DARS1: variants seen among roughly 807,000 people sequenced by gnomAD.
DARS1 encodes the protein aspartate--tRNA ligase, cytoplasmic.
In DARS1, 51 loss-of-function variants were observed where a neutral mutation model predicts 68.8. The ratio of observed to expected loss-of-function variants is 0.74; its 90% CI spans 0.59 to 0.94. The LOEUF (loss-of-function observed/expected upper bound fraction) is 0.94. Among genes scored for constraint, DARS1 ranks in the 40% least tolerant of loss-of-function variants. The probability of loss-of-function intolerance (pLI) is 0.00; values close to 1 mark genes in which losing one functional copy is unlikely to be tolerated. For synonymous variants in DARS1, 203 were observed against 190.4 expected (o/e 1.07, Z -0.55); for missense variants, 607 against 597.3 (o/e 1.02, Z -0.17).
chr2:135,950,957 G>A (rs1321729887), intron 4 of DARS1, among the ~76,000 whole-genome samples: 1 of 152,136 alleles, frequency 6.6e-6, no homozygotes, highest in Non-Finnish European at 1.5e-5. Context: ...AATGGAGCAT[G>A]GGGCCACATG....
chr2:135,978,142 C>CAAAAA (rs59505882), intron 3 of DARS1, among the ~76,000 whole-genome samples: 11 of 54,726 alleles, frequency 2.0e-4, no homozygotes, highest in South Asian at 6.5e-4. Context: ...GACTCTGTCT[C>CAAAAA]AAAAAAAAAA....
At chr2:135,924,296 G>T in intron 8 of DARS1, 91 bp downstream of exon 8, 1 of 1,356,084 alleles carries the variant, frequency 7.4e-7, no homozygotes, top group South Asian at 1.7e-5. Context: ...GGACACTTGG[G>T]ATTCTCAAGT....
chr2:135,985,663 T>A, upstream of DARS1: 3 of 1,383,446 alleles, frequency 2.2e-6, no homozygotes, highest in South Asian at 1.5e-5. Flanking sequence ...CCCGGAGCGC[T>A]GGCGGCCGCG....
At chr2:135,922,598 T>G (rs2104801706) in intron 9 of DARS1, among the ~76,000 whole-genome samples, 186 bp downstream of exon 9, 1 of 152,314 alleles carries the variant, frequency 6.6e-6, no homozygotes, top group East Asian at 1.9e-4. Flanking sequence ...ATTATTACTA[T>G]TACTTTTAAG....
intron 5 of DARS1, among the ~76,000 whole-genome samples, chr2:135,943,016 C>A (rs1681642092): frequency 6.6e-6 from 1 of 152,172 alleles, no homozygotes; most frequent in Admixed American, 6.5e-5. Flanking sequence ...GGGTTTCGCA[C>A]TCTTGCCTTT....
chr2:135,917,779 A>AATTTATATT (rs1681037644), intron 10 of DARS1, among the ~76,000 whole-genome samples: 1 of 152,028 alleles, frequency 6.6e-6, no homozygotes, highest in Non-Finnish European at 1.5e-5. Flanking sequence ...CCCGGCCTAG[A>AATTTATATT]ATTTATATTC....
At position 135,941,217 on chromosome 2, in the gene DARS1, A is replaced by C. The variant is rs1162630121; in HGVS notation, c.423+2161T>G. ...TGCATTGCGAAGACAATCCTAAGCC[A>C]AAAGAACAAAACTGGAGGCACCACG... On this transcript the variant is annotated intron_variant, in intron 5 of 15. Coordinates refer to ENST00000264161, the MANE Select transcript of DARS1 (RefSeq NM_001349.4). 1.1e-4 allele frequency among the ~76,000 whole-genome samples: 17 copies of C among 152,382 alleles called. 1 individual carries two copies. In the East Asian group the frequency reaches 2.5e-3, roughly 22 times the overall value.
chr2:135,911,570 C>A, intron 13 of DARS1, 77 bp from the exon 14 acceptor site: 2 of 694,144 alleles, frequency 2.9e-6, no homozygotes, highest in Non-Finnish European at 2.6e-6. Context: ...AAAATCTCTG[C>A]TGCATGAAGA....
intron 3 of DARS1, among the ~76,000 whole-genome samples, chr2:135,968,597 C>T (rs1682290283): frequency 6.6e-6 from 1 of 151,580 alleles, no homozygotes; most frequent in South Asian, 2.1e-4. Flanking sequence ...GGGTAGAGCC[C>T]TCATGACCCA....
chr2:135,942,948 C>T (rs189301568), intron 5 of DARS1, among the ~76,000 whole-genome samples: 11 of 152,214 alleles, frequency 7.2e-5, no homozygotes, highest in East Asian at 5.8e-4. Flanking sequence ...GTGACTTTGA[C>T]GAGTGGAATA....
intron 5 of DARS1, among the ~76,000 whole-genome samples, chr2:135,939,605 G>A (rs1256630028): frequency 1.3e-5 from 2 of 152,068 alleles, no homozygotes; most frequent in East Asian, 3.9e-4. Context: ...AAGAACTAGA[G>A]AAGCAAGAGC....
intron 1 of DARS1, among the ~76,000 whole-genome samples, chr2:135,984,830 TG>T (rs1421404247): frequency 6.6e-6 from 1 of 152,138 alleles, no homozygotes; most frequent in Non-Finnish European, 1.5e-5. Context: ...CCACGTGATT[TG>T]GGGTCACTTC....
intron 7 of DARS1, 134 bp from the exon 8 acceptor site, chr2:135,924,632 C>T (rs954114023): frequency 2.1e-5 from 27 of 1,295,596 alleles, no homozygotes; most frequent in South Asian, 8.1e-5. Flanking sequence ...GGAGAGAAGA[C>T]GAAAGGACAC....
intron 13 of DARS1, among the ~76,000 whole-genome samples, chr2:135,911,838 G>A (rs1464175036): frequency 2.0e-5 from 3 of 152,196 alleles, no homozygotes; most frequent in African/African-American, 7.2e-5. Flanking sequence ...ATTAACAGGT[G>A]TGAGTCTTTA....
intron 4 of DARS1, among the ~76,000 whole-genome samples, chr2:135,950,777 C>T (rs1035557540): frequency 6.6e-6 from 1 of 152,084 alleles, no homozygotes; most frequent in African/African-American, 2.4e-5. Flanking sequence ...GTGGGCCCAG[C>T]TGAGGAATAG....
In DARS1 at chr2:135,907,055, C is replaced by T. The variant is rs1680796370; in HGVS notation, c.*261G>A. On this transcript the variant is annotated 3_prime_UTR_variant, in exon 16 of 16. Coordinates refer to ENST00000264161, the MANE Select transcript of DARS1 (RefSeq NM_001349.4). ...ATTTGTAACATAACCATATGAATTT[C>T]TCAAGTTATTTCCTACTGATGCATG... The T allele has an allele frequency of 8.4e-6, 2 of 236,866 alleles. No individual in the cohort carries two copies. The highest frequency in any genetic ancestry group is 1.1e-4 in the Admixed American group (2 of 18,674). 14.7% of individuals were successfully genotyped at this position (236,866 alleles called of 1,614,324 possible).
At chr2:135,946,844 C>G (rs16832275) in intron 4 of DARS1, among the ~76,000 whole-genome samples, 28,765 of 152,010 alleles carry the variant, frequency 0.19, 3,326 homozygotes, top group South Asian at 0.35. Context: ...AGAAGAATCA[C>G]TGGGATCAAC....
chr2:135,967,879 T>C (rs967506907), intron 3 of DARS1, among the ~76,000 whole-genome samples: 4 of 152,172 alleles, frequency 2.6e-5, no homozygotes, highest in Admixed American at 2.0e-4. Flanking sequence ...TATTTATTGA[T>C]ATGATTTTTC....
Position 135,920,407 on chromosome 2 carries a change from A to C in DARS1, c.959+46T>G, listed in dbSNP as rs747403996. 4.2e-5 allele frequency: 65 copies of C among 1,548,356 alleles called. No individual in the cohort carries two copies. The African/African-American group carries it at 8.5e-4, about 20-fold the overall frequency. On this transcript the variant is annotated intron_variant, in intron 10 of 15. Transcript: ENST00000264161. ...GAAGAATTTTTTTTTTAAAGGGCCC[A>C]AACATTTGAAATTAAGTCCATCTAG...
Sources: gnomAD v4.1 joint callset for allele counts (sites outside exome capture counted in the v4.1 genomes callset) on GRCh38, gnomAD v4.1.1 for gene constraint, MANE v1.5 for transcripts, NCBI Gene and HGNC (gene_info 2026-07-23, HGNC 2026-07-21) for gene names.